The following FSTL5 variants were observed in gnomAD, a reference collection of about 807,000 sequenced individuals.
The protein encoded by FSTL5 is follistatin like 5.
In FSTL5, 62 loss-of-function variants were observed where a neutral mutation model predicts 89.1. The observed-to-expected ratio is 0.70, with a 90% CI of 0.57 to 0.86. The LOEUF (loss-of-function observed/expected upper bound fraction) is 0.86, where lower values mean the gene tolerates loss of function less well. Ranked by LOEUF, FSTL5 falls within the 40% of genes least tolerant of loss-of-function variation. The pLI, the probability that FSTL5 is intolerant of heterozygous loss-of-function variation, is 0.00. For missense variants in FSTL5, 1,057 were observed against 1,001.6 expected (o/e 1.06, Z -0.75); for synonymous variants, 383 against 346.2 (o/e 1.11, Z -1.18).
At chr4:161,527,714 A>T (rs1374424570) in intron 10 of FSTL5, among the ~76,000 whole-genome samples, 1 of 151,700 alleles carries the variant, frequency 6.6e-6, no homozygotes, top group African/African-American at 2.4e-5. Context: ...AAACTAGTTC[A>T]ACCATTGTGG....
chr4:161,518,044 A>G (rs1159032976), intron 10 of FSTL5, among the ~76,000 whole-genome samples: 1 of 152,222 alleles, frequency 6.6e-6, no homozygotes, highest in African/African-American at 2.4e-5. Flanking sequence ...GGCTAGAAAC[A>G]ACATTTGATA....
chr4:161,567,653 T>C (rs1732865623), intron 8 of FSTL5, among the ~76,000 whole-genome samples: 1 of 152,098 alleles, frequency 6.6e-6, no homozygotes, highest in Admixed American at 6.6e-5. Context: ...CTTTGTAATA[T>C]CAAAAACAAG....
At chr4:161,644,410 T>G (rs1173791705) in intron 7 of FSTL5, among the ~76,000 whole-genome samples, 2 of 151,702 alleles carry the variant, frequency 1.3e-5, no homozygotes, top group African/African-American at 4.8e-5. Context: ...CCTGTAATCC[T>G]AGCTACTCTG....
At chr4:161,659,435 C>A (rs1056238844) in intron 6 of FSTL5, among the ~76,000 whole-genome samples, 1 of 151,802 alleles carries the variant, frequency 6.6e-6, no homozygotes, top group East Asian at 1.9e-4. Flanking sequence ...ATTGCCATGC[C>A]CATCTTTATT....
At chr4:161,998,856 CA>C (rs1560961458) in intron 3 of FSTL5, among the ~76,000 whole-genome samples, 9 of 80,712 alleles carry the variant, frequency 1.1e-4, no homozygotes, top group African/African-American at 4.1e-4. Flanking sequence ...AACACACACA[CA>C]ACACACACAC....
At chr4:161,627,661 C>T (rs981791004) in intron 7 of FSTL5, among the ~76,000 whole-genome samples, 2 of 152,062 alleles carry the variant, frequency 1.3e-5, no homozygotes, top group Admixed American at 6.6e-5. Context: ...TAATAATTCA[C>T]CATATATTTA....
chr4:161,577,974 GT>G lies in FSTL5; in HGVS notation c.1015+9480del, dbSNP rs879345417. Among the ~76,000 whole-genome samples the G allele has an allele frequency of 9.0e-3, 1,339 of 149,304 alleles. 15 individuals are homozygous for G. The highest frequency in any genetic ancestry group is 0.03 in the African/African-American group (1,222 of 40,806). ...GCTACTCTAGACAGACTCAAATATA[GT>G]TTTTTTTTTCTTTTTTAAAGTCTCA... On this transcript the variant is annotated intron_variant, in intron 8 of 15. Coordinates refer to ENST00000306100, the MANE Select transcript of FSTL5 (RefSeq NM_020116.5).
At chr4:161,686,957 T>G (rs1737767619) in intron 6 of FSTL5, among the ~76,000 whole-genome samples, 1 of 152,202 alleles carries the variant, frequency 6.6e-6, no homozygotes, top group Admixed American at 6.5e-5. Flanking sequence ...ACAATGATCC[T>G]ATGTTTCTCT....
intron 2 of FSTL5, among the ~76,000 whole-genome samples, chr4:162,107,588 A>G (rs1278006795): frequency 1.3e-5 from 2 of 152,124 alleles, no homozygotes; most frequent in Non-Finnish European, 2.9e-5. Flanking sequence ...GTGAGTCTTC[A>G]TGGGGAGGTT....
At chr4:161,882,892 G>A (rs78810092) in intron 4 of FSTL5, among the ~76,000 whole-genome samples, 2,176 of 152,114 alleles carry the variant, frequency 0.014, 57 homozygotes, top group African/African-American at 0.05. Flanking sequence ...GAAGATAATG[G>A]TTAAATGATT....
In FSTL5 at chr4:162,042,569, AT is replaced by A. The variant is rs571826974; in HGVS notation, c.127-8912del. Among the ~76,000 whole-genome samples, 43 of 152,248 alleles carry A rather than the reference AT, an allele frequency of 2.8e-4. No individual in the cohort carries two copies. In the South Asian group the frequency reaches 8.3e-3, roughly 29 times the overall value. On this transcript the variant is annotated intron_variant, in intron 2 of 15. Coordinates refer to ENST00000306100, the MANE Select transcript of FSTL5 (RefSeq NM_020116.5). ...ATCAGGTAGTGAGATATGTTAGAAAATAACACAAAGTCTCATATTAAGCATA... is the reference window on the plus strand; with the variant it reads ...ATCAGGTAGTGAGATATGTTAGAAAAAACACAAAGTCTCATATTAAGCATA...
chr4:161,863,687 T>C (rs138536716), intron 4 of FSTL5, among the ~76,000 whole-genome samples: 3 of 152,342 alleles, frequency 2.0e-5, no homozygotes, highest in South Asian at 2.1e-4. Context: ...TAGTTACTTA[T>C]CTTGTTTGAA....
chr4:161,559,101 G>T (rs12503855), intron 8 of FSTL5, among the ~76,000 whole-genome samples: 2 of 151,642 alleles, frequency 1.3e-5, no homozygotes, highest in African/African-American at 2.4e-5. Context: ...TGCATTCTCC[G>T]TTTCTCAGAT....
intron 7 of FSTL5, 151 bp downstream of exon 7, chr4:161,656,177 A>C: frequency 2.3e-6 from 1 of 428,194 alleles, no homozygotes; most frequent in Non-Finnish European, 4.0e-6. Context: ...CCTATAGTGC[A>C]CCTCTCATTC....
At chr4:162,058,424 T>A (rs75522692) in intron 2 of FSTL5, among the ~76,000 whole-genome samples, 1 of 18,892 alleles carries the variant, frequency 5.3e-5, no homozygotes, top group Non-Finnish European at 8.6e-5. Flanking sequence ...TAAATTCCTC[T>A]TTTTTTTTTT....
At chr4:161,415,985 T>C (rs556413091) in intron 15 of FSTL5, among the ~76,000 whole-genome samples, 1 of 152,074 alleles carries the variant, frequency 6.6e-6, no homozygotes, top group South Asian at 2.1e-4. Context: ...TATGGAGAAA[T>C]ATTTCAGCAT....
At chr4:161,516,747 ACACACACACAC>A (rs1328057253) in intron 10 of FSTL5, among the ~76,000 whole-genome samples, 2 of 149,942 alleles carry the variant, frequency 1.3e-5, no homozygotes, top group Admixed American at 6.7e-5. Flanking sequence ...ACACACACAC[ACACACACACAC>A]AATTTTTTTT....
At chr4:162,013,045 A>G (rs890800227) in intron 3 of FSTL5, among the ~76,000 whole-genome samples, 3 of 152,034 alleles carry the variant, frequency 2.0e-5, no homozygotes, top group African/African-American at 7.2e-5. Flanking sequence ...TTAGCCAGGC[A>G]TGGTGGCATG....
At chr4:161,556,791 A>G (rs1175502101) in intron 8 of FSTL5, among the ~76,000 whole-genome samples, 1 of 150,264 alleles carries the variant, frequency 6.7e-6, no homozygotes, top group Non-Finnish European at 1.5e-5. Flanking sequence ...ATTTATACAA[A>G]CTTAGTTCGT....
Sources: gnomAD v4.1 joint callset for allele counts (sites outside exome capture counted in the v4.1 genomes callset) on GRCh38, gnomAD v4.1.1 for gene constraint, MANE v1.5 for transcripts, NCBI Gene and HGNC (gene_info 2026-07-23, HGNC 2026-07-21) for gene names.